Variants in CMSS1 observed in about 807,000 individuals in gnomAD.
CMSS1 encodes the protein protein CMSS1.
A neutral mutation model predicts 43.5 loss-of-function variants in CMSS1; 33 were observed. That is an observed-to-expected ratio of 0.76 (90% CI 0.57 to 1.01). The LOEUF is 1.01. CMSS1 is among the 50% of genes least tolerant of loss of function. The pLI is 0.00. For missense variants in CMSS1, 313 were observed against 326.4 expected (o/e 0.96, Z 0.32); for synonymous variants, 115 against 117.2 (o/e 0.98, Z 0.12).
chr3:99,994,358 A>T (rs926809159), intron 1 of CMSS1, among the ~76,000 whole-genome samples: 1 of 152,214 alleles, frequency 6.6e-6, no homozygotes, highest in Admixed American at 6.5e-5. Context: ...GAAATATTGG[A>T]CTTAAATTGG....
rs760735081 is a variant in CMSS1, at chr3:100,176,280, A to G, written c.668-47A>G. Reference sequence around the variant, plus strand: ...AATAAAAAATCATTTTAATAAGCTTATGTCATGAGGTCTTTACTACAGCAA... The same window carrying G: ...AATAAAAAATCATTTTAATAAGCTTGTGTCATGAGGTCTTTACTACAGCAA... On this transcript the variant is annotated intron_variant, in intron 8 of 9. Coordinates refer to ENST00000421999, the MANE Select transcript of CMSS1 (RefSeq NM_032359.4). The G allele has an allele frequency of 5.6e-6, 7 of 1,241,522 alleles. No individual in the cohort carries two copies. The East Asian group carries it at 1.2e-4, about 21-fold the overall frequency. The allele number at this position is 1,241,522 out of a possible 1,614,324, so 76.9% of individuals were successfully genotyped here.
Position 99,848,332 on chromosome 3 carries a change from G to C in CMSS1, c.64+30289G>C, listed in dbSNP as rs1358945823. On this transcript the variant is annotated intron_variant, in intron 1 of 9. Coordinates refer to ENST00000421999, the MANE Select transcript of CMSS1 (RefSeq NM_032359.4). ...TTGTCGAGGAAGAGGTGTGGCTGTT[G>C]GTGTGATAGTAATACTGCTGGTGAC... 3 of 1,614,038 alleles carry C rather than the reference G, an allele frequency of 1.9e-6. No homozygotes were observed. In the East Asian group the frequency reaches 6.7e-5, roughly 36 times the overall value.
chr3:99,819,176 T>G (rs1268362201), intron 1 of CMSS1, among the ~76,000 whole-genome samples: 2 of 152,248 alleles, frequency 1.3e-5, no homozygotes, highest in African/African-American at 4.8e-5. Context: ...AGATGTCATT[T>G]TTAGAAAGGT....
intron 1 of CMSS1, chr3:99,930,171 G>A: frequency 1.4e-6 from 1 of 693,866 alleles, no homozygotes; most frequent in Non-Finnish European, 2.4e-6. Context: ...TTTATAAAAG[G>A]TAACAAAACT....
chr3:99,822,728 A>G (rs897199749), intron 1 of CMSS1, among the ~76,000 whole-genome samples: 6 of 152,132 alleles, frequency 3.9e-5, no homozygotes, highest in Non-Finnish European at 7.4e-5. Flanking sequence ...ACAAAACTCC[A>G]TCTCAAAATA....
rs9851985 is a variant in CMSS1, at chr3:99,856,391, A to G, written c.64+38348A>G. 6.1e-3 allele frequency among the ~76,000 whole-genome samples: 927 copies of G among 152,334 alleles called. 10 individuals are homozygous for G. The highest frequency in any genetic ancestry group is 0.021 in the African/African-American group (876 of 41,568). On this transcript the variant is annotated intron_variant, in intron 1 of 9. Coordinates refer to ENST00000421999, the MANE Select transcript of CMSS1 (RefSeq NM_032359.4). ...AGTCTTTATGTACCCTCAGGGGTAC[A>G]TGTACCCCAGTTTAAAGACTATTGT... is the stretch of plus-strand genomic sequence containing the variant.
At chr3:99,908,188 C>T (rs1018566651) in intron 1 of CMSS1, among the ~76,000 whole-genome samples, 2 of 152,176 alleles carry the variant, frequency 1.3e-5, no homozygotes, top group African/African-American at 4.8e-5. Context: ...CTGGATATGT[C>T]AGTACAAATT....
At chr3:100,154,388 T>TA (rs530740573) in intron 2 of CMSS1, among the ~76,000 whole-genome samples, 35 of 151,390 alleles carry the variant, frequency 2.3e-4, no homozygotes, top group Admixed American at 5.9e-4. Context: ...TTCAATTTCA[T>TA]AAAAAAAAAC....
intron 1 of CMSS1, among the ~76,000 whole-genome samples, chr3:99,921,060 A>G (rs1047436317): frequency 6.6e-6 from 1 of 152,158 alleles, no homozygotes; most frequent in Non-Finnish European, 1.5e-5. Flanking sequence ...CTAGTTTGGG[A>G]GTGGTTTACA....
rs1374816172 is a variant in CMSS1 at position 100,167,856 on chromosome 3, T to C, written c.518+16T>C. 6.5e-7 allele frequency: 1 copy of C among 1,537,202 alleles called. No individual in the cohort carries two copies. Among genetic ancestry groups the C allele is most frequent in the Admixed American group, 1.8e-5 (1 of 56,280 alleles). On this transcript the variant is annotated intron_variant, in intron 6 of 9. Coordinates refer to ENST00000421999, the MANE Select transcript of CMSS1 (RefSeq NM_032359.4). ...AGCTCATTAGGTTGGAAGGTTCACC[T>C]ATTCCATATCATAAATGTTTTCTGA...
chr3:99,926,828 C>T (rs915010659), intron 1 of CMSS1, among the ~76,000 whole-genome samples: 2 of 152,064 alleles, frequency 1.3e-5, no homozygotes, highest in African/African-American at 2.4e-5. Context: ...TTTATATGTT[C>T]GTGGTTGTTT....
intron 1 of CMSS1, among the ~76,000 whole-genome samples, chr3:99,983,267 C>T (rs1709180314): frequency 6.6e-6 from 1 of 150,952 alleles, no homozygotes; most frequent in Admixed American, 6.6e-5. Context: ...GGCACAGTGA[C>T]TCATGCCTGT....
chr3:100,058,533 C>T (rs1394134218), intron 1 of CMSS1, among the ~76,000 whole-genome samples: 1 of 152,242 alleles, frequency 6.6e-6, no homozygotes, highest in Admixed American at 6.5e-5. Context: ...CATCCCCAAT[C>T]TAAAGCTTTG....
chr3:99,921,785 A>G, intron 1 of CMSS1, among the ~76,000 whole-genome samples: 1 of 152,260 alleles, frequency 6.6e-6, no homozygotes, highest in South Asian at 2.1e-4. Context: ...ATTTCAAAAT[A>G]CTATTCTTCA....
chr3:100,071,526 G>A (rs954581161), intron 1 of CMSS1, among the ~76,000 whole-genome samples: 2 of 152,156 alleles, frequency 1.3e-5, no homozygotes, highest in Non-Finnish European at 2.9e-5. Context: ...AGGGTGGGGG[G>A]CAGAGTACAG....
chr3:100,173,589 A>G (rs1360927241), intron 8 of CMSS1, among the ~76,000 whole-genome samples: 2 of 152,170 alleles, frequency 1.3e-5, no homozygotes, highest in Non-Finnish European at 2.9e-5. Context: ...GTCCTACAAG[A>G]GTTGAAATGA....
chr3:99,936,103 T>C (rs1254152082), intron 1 of CMSS1, among the ~76,000 whole-genome samples: 2 of 152,208 alleles, frequency 1.3e-5, no homozygotes, highest in Non-Finnish European at 2.9e-5. Context: ...TTACTCATTT[T>C]TGTTTTAGAA....
At chr3:100,122,012 C>T (rs560672752) in intron 1 of CMSS1, among the ~76,000 whole-genome samples, 2 of 152,180 alleles carry the variant, frequency 1.3e-5, no homozygotes, top group Admixed American at 6.5e-5. Flanking sequence ...AGATAAGGAA[C>T]GAGTAGCAAG....
At chr3:99,929,066 C>T (rs1452438021) in intron 1 of CMSS1, among the ~76,000 whole-genome samples, 1 of 152,230 alleles carries the variant, frequency 6.6e-6, no homozygotes, top group Non-Finnish European at 1.5e-5. Context: ...TGCTTTCACT[C>T]TCCAGCCTCA....
Sources: allele counts gnomAD v4.1 joint callset (sites outside exome capture counted in the v4.1 genomes callset), GRCh38; gene constraint gnomAD v4.1.1; transcripts MANE v1.5; gene names NCBI Gene and HGNC (gene_info 2026-07-23, HGNC 2026-07-21).